Variants in PCDHA2 observed in about 807,000 individuals in gnomAD.
PCDHA2 encodes the protein protocadherin alpha 2.
In PCDHA2, 58 loss-of-function variants were observed where a neutral mutation model predicts 66.0. The ratio of observed to expected loss-of-function variants is 0.88; its 90% CI spans 0.71 to 1.09. The LOEUF is 1.09. PCDHA2 is among the 50% of genes least tolerant of loss of function. PCDHA2 has a pLI of 0.00. For missense variants in PCDHA2, 1,267 were observed against 1,242.3 expected (o/e 1.02, Z -0.30); for synonymous variants, 634 against 554.0 (o/e 1.14, Z -2.03).
chr5:140,981,443 G>A lies in PCDHA2; in HGVS notation c.2448-1032G>A, dbSNP rs530782878. ...ACAAAAATGAGCCAGGCATGGTGGC[G>A]GGTGCCTGTAGTCCCAGCTACTTGG... On this transcript the variant is annotated intron_variant, in intron 2 of 3. Transcript: ENST00000526136. Among the ~76,000 whole-genome samples, 6 of 152,126 alleles carry A rather than the reference G, an allele frequency of 3.9e-5. No homozygotes were observed. The Middle Eastern group carries it at 0.01, about 259-fold the overall frequency.
At chr5:140,969,253 C>T in intron 1 of PCDHA2, 3 of 1,614,202 alleles carry the variant, frequency 1.9e-6, no homozygotes, top group Non-Finnish European at 2.5e-6. Flanking sequence ...TGACTGACAG[C>T]AGGAATCTCA....
rs1554189151 is a variant in PCDHA2, at chr5:140,900,427, G to GCA, written c.2389-78521_2389-78520insAC. On this transcript the variant is annotated intron_variant, in intron 1 of 3. Transcript: ENST00000526136. ...CAAGTAGCTGGGATTATAGGCACGT[G>GCA]CCACCACGGCCGGCTAATTTTTTAT... 7.9e-5 allele frequency among the ~76,000 whole-genome samples: 12 copies of GCA among 152,230 alleles called. No homozygotes were observed. The East Asian group carries it at 2.3e-3, about 30-fold the overall frequency.
intron 1 of PCDHA2, among the ~76,000 whole-genome samples, chr5:140,886,770 G>A (rs1554182701): frequency 6.8e-6 from 1 of 146,884 alleles, no homozygotes; most frequent in Non-Finnish European, 1.5e-5. Context: ...AGGTTGCAGT[G>A]AGATGAGATC....
intron 3 of PCDHA2, among the ~76,000 whole-genome samples, chr5:140,996,100 G>A (rs1554255000): frequency 1.3e-5 from 2 of 152,190 alleles, no homozygotes; most frequent in Non-Finnish European, 2.9e-5. Flanking sequence ...TACATGGAAT[G>A]GTATGGAAGT....
rs191873949 is a variant in PCDHA2 at position 140,855,986 on chromosome 5, G to T, written c.2388+58634G>T. On this transcript the variant is annotated intron_variant, in intron 1 of 3. Transcript: ENST00000526136. ...AGATATAAGAAATAGGACAGAAAATGTCAGATCGTATGTGCGTTCTAGACC... is the reference window on the plus strand; with the variant it reads ...AGATATAAGAAATAGGACAGAAAATTTCAGATCGTATGTGCGTTCTAGACC... The T allele has an allele frequency of 1.8e-5, 27 of 1,477,576 alleles. 1 individual carries two copies. Among genetic ancestry groups the T allele is most frequent in the South Asian group, 1.6e-4 (12 of 75,402 alleles). The allele number at this position is 1,477,576 out of a possible 1,614,324, so 91.5% of individuals were successfully genotyped here. A position where few individuals can be genotyped will look rare whatever the true frequency, so the allele number is the denominator to read the frequency against.
intron 1 of PCDHA2, chr5:140,801,314 C>A: frequency 6.2e-7 from 1 of 1,613,342 alleles, no homozygotes; most frequent in East Asian, 2.2e-5. Flanking sequence ...CTGAGGAGGC[C>A]AAGCATGGCA....
chr5:140,980,545 G>A lies in PCDHA2; in HGVS notation c.2447+1538G>A, dbSNP rs190037193. ...CTAGGGAGGCTGAGGCAGGAGAATC[G>A]CTTGAACCCGGGAGGCGGAAGTTGC... On this transcript the variant is annotated intron_variant, in intron 2 of 3. Transcript: ENST00000526136. 4.1e-3 allele frequency among the ~76,000 whole-genome samples: 627 copies of A among 152,232 alleles called. 4 individuals are homozygous for A. Among genetic ancestry groups the A allele is most frequent in the Non-Finnish European group, 6.8e-3 (460 of 67,996 alleles).
intron 1 of PCDHA2, chr5:140,823,505 G>A (rs1767736595): frequency 6.2e-7 from 1 of 1,613,446 alleles, no homozygotes; most frequent in Non-Finnish European, 8.5e-7. Flanking sequence ...GGCGCAGTGA[G>A]CGAGCTGGTG....
chr5:140,922,350 G>A (rs2080793001), intron 1 of PCDHA2, among the ~76,000 whole-genome samples: 11 of 152,212 alleles, frequency 7.2e-5, no homozygotes, highest in Admixed American at 7.2e-4. Context: ...GTATTTTCTA[G>A]AGTAGTGATT....
chr5:140,889,441 C>G (rs2062226063), intron 1 of PCDHA2, among the ~76,000 whole-genome samples: 2 of 151,842 alleles, frequency 1.3e-5, no homozygotes, highest in African/African-American at 2.4e-5. Flanking sequence ...CAGGTATTTT[C>G]CTGTTTAATC....
At position 140,913,249 on chromosome 5, in the gene PCDHA2, A is replaced by G. The variant is rs1389386272; in HGVS notation, c.2389-65700A>G. ...CTTTGCTGGGAGACTTTTTGTTACA[A>G]CTTTGATCTAATTACTTGTTATTGG... On this transcript the variant is annotated intron_variant, in intron 1 of 3. Transcript: ENST00000526136. Among the ~76,000 whole-genome samples the G allele has an allele frequency of 4.6e-5, 7 of 152,262 alleles. No individual in the cohort carries two copies. The East Asian group carries it at 9.6e-4, about 21-fold the overall frequency.
intron 1 of PCDHA2, among the ~76,000 whole-genome samples, chr5:140,921,599 G>A (rs2080288942): frequency 6.6e-6 from 1 of 152,036 alleles, no homozygotes; most frequent in African/African-American, 2.4e-5. Flanking sequence ...GGTTTCAAAG[G>A]TAATAAGAAA....
At chr5:140,856,596 A>G in intron 1 of PCDHA2, 1 of 1,597,802 alleles carries the variant, frequency 6.3e-7, no homozygotes, top group Non-Finnish European at 8.6e-7. Flanking sequence ...GATATTATAA[A>G]CAAAAAAGAC....
At chr5:140,818,623 G>A (rs970158676) in intron 1 of PCDHA2, among the ~76,000 whole-genome samples, 4 of 152,122 alleles carry the variant, frequency 2.6e-5, no homozygotes, top group Non-Finnish European at 5.9e-5. Context: ...GATTGCTTGA[G>A]CCCAGGAGTT....
chr5:140,822,050 A>G, intron 1 of PCDHA2: 1 of 1,614,182 alleles, frequency 6.2e-7, no homozygotes. Flanking sequence ...ATCGACCGGG[A>G]GGAGCTGTGC....
intron 1 of PCDHA2, chr5:140,827,873 T>TA (rs1769435711): frequency 4.7e-6 from 3 of 637,520 alleles, no homozygotes; most frequent in South Asian, 4.0e-5. Flanking sequence ...ATAGCACTGT[T>TA]ACGTGAATTG....
Position 140,858,600 on chromosome 5 carries a change from TA to T in PCDHA2, c.2388+61252del, listed in dbSNP as rs1554151860. 9.3e-6 allele frequency: 12 copies of T among 1,293,864 alleles called. 1 individual carries two copies. Among genetic ancestry groups the T allele is most frequent in the Non-Finnish European group, 1.3e-5 (12 of 949,282 alleles). 80.1% of individuals were successfully genotyped at this position (1,293,864 alleles called of 1,614,324 possible). ...GTAATATAATTTATTCCAGGAGTTT[TA>T]AAATTTTTTTATCCTACCCAGTGTG... is the stretch of plus-strand genomic sequence containing the variant. On this transcript the variant is annotated intron_variant, in intron 1 of 3. Coordinates refer to ENST00000526136, the MANE Select transcript of PCDHA2 (RefSeq NM_018905.3).
Position 140,911,260 on chromosome 5 carries a change from A to G in PCDHA2, c.2389-67689A>G, listed in dbSNP as rs1178961396. On this transcript the variant is annotated intron_variant, in intron 1 of 3. Transcript: ENST00000526136. ...AAAAAAAGTTTCATCAGAATTTATA[A>G]TCTCAGTGTCCCCAGCTTCATCAGG... is the stretch of plus-strand genomic sequence containing the variant. Among the ~76,000 whole-genome samples, 8 of 152,222 alleles carry G rather than the reference A, an allele frequency of 5.3e-5. 1 individual carries two copies. The highest frequency in any genetic ancestry group is 1.9e-4 in the African/African-American group (8 of 41,520).
intron 3 of PCDHA2, among the ~76,000 whole-genome samples, chr5:140,994,479 G>A (rs1229761223): frequency 1.3e-5 from 2 of 152,094 alleles, no homozygotes; most frequent in African/African-American, 4.8e-5. Context: ...GAGGCGGGTG[G>A]ATTGCCTGAA....
Sources: gnomAD v4.1 joint callset for allele counts (sites outside exome capture counted in the v4.1 genomes callset) on GRCh38, gnomAD v4.1.1 for gene constraint, MANE v1.5 for transcripts, NCBI Gene and HGNC (gene_info 2026-07-23, HGNC 2026-07-21) for gene names.